BEST4: variants seen among roughly 807,000 people sequenced by gnomAD.
The protein encoded by BEST4 is bestrophin-4.
In BEST4, 36 loss-of-function variants were observed where a neutral mutation model predicts 47.1. That is an observed-to-expected ratio of 0.76 (90% CI 0.59 to 1.01). BEST4 has a LOEUF of 1.01. BEST4 is among the 50% of genes least tolerant of loss of function. BEST4 has a pLI of 0.00. For missense variants in BEST4, 550 were observed against 648.6 expected (o/e 0.85, Z 1.65); for synonymous variants, 250 against 277.8 (o/e 0.90, Z 1.00).
rs1428200161 is a variant in BEST4 at position 44,783,965 on chromosome 1, G to T, written c.*245C>A. 1.9e-5 allele frequency: 8 copies of T among 422,928 alleles called. No individual in the cohort carries two copies. In the East Asian group the frequency reaches 3.0e-4, roughly 16 times the overall value. 26.2% of individuals were successfully genotyped at this position (422,928 alleles called of 1,614,324 possible). ...ACCTGGGCTCTAGTCCTCTATGCCT[G>T]GGCTCATTTATTTTTCTAGCTTCAC... On this transcript the variant is annotated 3_prime_UTR_variant, in exon 9 of 9. Coordinates refer to ENST00000372207, the MANE Select transcript of BEST4 (RefSeq NM_153274.3).
rs1425064773 is a variant in BEST4 at position 44,784,926 on chromosome 1, C to G, written c.972G>C (p.Gln324His). The change falls in exon 7 of 9, where the codon CAG becomes CAC. Residue 324 changes from glutamine to histidine, a missense_variant. Physicochemically the swap from Gln to His is conservative, Grantham distance 24. Around this residue, in one of 3 missense-constraint regions of BEST4, gnomAD observed 255 missense variants for 286.6 expected, o/e 0.89. Coordinates refer to ENST00000372207, the MANE Select transcript of BEST4 (RefSeq NM_153274.3). This position sits in a 1 kb window ranked among gnomAD's most constrained non-coding sequence, Gnocchi z 6.2. ...GEDDDDFETN[Q>H]LIDRNLQVSL... ...TCACCTGCAAGTTGCGGTCTATGAG[C>G]TGATTTGTCTCAAAGTCGTCATCAT... 1 of 1,614,194 alleles carries G rather than the reference C, an allele frequency of 6.2e-7. No homozygotes were observed. The highest frequency in any genetic ancestry group is 8.5e-7 in the Non-Finnish European group (1 of 1,180,038).
In BEST4 at chr1:44,787,681, C is replaced by T; in HGVS notation, c.25G>A (p.Val9Met). 1 of 1,614,172 alleles carries T rather than the reference C, an allele frequency of 6.2e-7. No homozygotes were observed. Among genetic ancestry groups the T allele is most frequent in the Non-Finnish European group, 8.5e-7 (1 of 1,180,036 alleles). ...AAACCTCCGAAGCGGGCCTCCGCCA[C>T]TTTGAGAGTGTATGAAACCGTCATG... MTVSYTLK[V>M]AEARFGGFSG... Residue 9 changes from valine to methionine, a missense_variant, in exon 1 of 9, where the codon GTG (valine) becomes ATG (methionine). Physicochemically the swap from Val to Met is conservative, Grantham distance 21. Coordinates refer to ENST00000372207, the MANE Select transcript of BEST4 (RefSeq NM_153274.3).
At chr1:44,792,067 AC>A (rs968645448), upstream of BEST4, among the ~76,000 whole-genome samples, 74 of 152,092 alleles carry the variant, frequency 4.9e-4, no homozygotes, top group African/African-American at 1.7e-3. Context: ...ACATGGAGAA[AC>A]CCCATCTCTA....
upstream of BEST4, among the ~76,000 whole-genome samples, chr1:44,788,421 G>A (rs1263340147): frequency 6.6e-6 from 1 of 152,178 alleles, no homozygotes; most frequent in African/African-American, 2.4e-5. Flanking sequence ...ATTGTCCCAC[G>A]TTTCAGGTGG....
In BEST4 at chr1:44,786,326, G is replaced by A; in HGVS notation, c.482-98C>T. On this transcript the variant is annotated intron_variant, in intron 3 of 8. Coordinates refer to ENST00000372207, the MANE Select transcript of BEST4 (RefSeq NM_153274.3). This position sits in a 1 kb window ranked among gnomAD's most constrained non-coding sequence, Gnocchi z 4.9. The stretch of plus-strand genomic sequence containing the variant: ...CTCCCCTCCCTCGCGTCCACCGGCT[G>A]TCCCAGGACTCGCGGTTCCGCGTTC... The A allele has an allele frequency of 2.0e-6, 3 of 1,479,386 alleles. No homozygotes were observed. Among genetic ancestry groups the A allele is most frequent in the East Asian group, 2.3e-5 (1 of 43,806 alleles). 91.6% of individuals were successfully genotyped at this position (1,479,386 alleles called of 1,614,324 possible).
chr1:44,787,727 G>T lies in BEST4; in HGVS notation c.-22C>A. Reference sequence around the variant, plus strand: ...TCATGGTGCTGGGAGCCTGGGGCAGGAGGTCACAAGAGTTGCCCCCAGGGC... The same window carrying T: ...TCATGGTGCTGGGAGCCTGGGGCAGTAGGTCACAAGAGTTGCCCCCAGGGC... On this transcript the variant is annotated 5_prime_UTR_variant, in exon 1 of 9. Transcript: ENST00000372207. The T allele has an allele frequency of 1.2e-6, 2 of 1,613,386 alleles. No homozygotes were observed. The highest frequency in any genetic ancestry group is 2.2e-5 in the South Asian group (2 of 91,064).
chr1:44,784,374 C>T lies in BEST4; in HGVS notation c.1258G>A (p.Ala420Thr), dbSNP rs933431142. Residue 420 changes from alanine to threonine, a missense_variant, in exon 9 of 9, where the codon GCG becomes ACG. Physicochemically the swap from Ala to Thr is moderately conservative, Grantham distance 58. This residue lies in a region of BEST4 where 255 missense variants were observed against 286.6 expected (regional missense o/e 0.89). Transcript: ENST00000372207. The surrounding 1 kb of genome is among the most constrained non-coding windows in gnomAD (Gnocchi z 6.2). ...PLLGRFLGVG[A>T]PSPAISLRNF... is the part of the protein sequence containing the mutation. The stretch of plus-strand genomic sequence containing the variant: ...CGGAGGCTGATGGCCGGGGAGGGCG[C>T]CCCTACGCCCAGGAAGCGGCCGAGC... 4 of 1,398,406 alleles carry T rather than the reference C, an allele frequency of 2.9e-6. No individual in the cohort carries two copies. Among genetic ancestry groups the T allele is most frequent in the Admixed American group, 3.5e-5 (1 of 28,538 alleles). The allele number at this position is 1,398,406 out of a possible 1,614,324, so 86.6% of individuals were successfully genotyped here.
At chr1:44,792,079 C>T (rs1651426162), upstream of BEST4, among the ~76,000 whole-genome samples, 1 of 152,130 alleles carries the variant, frequency 6.6e-6, no homozygotes, top group Non-Finnish European at 1.5e-5. Flanking sequence ...CCCATCTCTA[C>T]TAAAAATACA....
At chr1:44,789,057 C>T (rs1651335831), upstream of BEST4, among the ~76,000 whole-genome samples, 1 of 151,846 alleles carries the variant, frequency 6.6e-6, no homozygotes, top group Non-Finnish European at 1.5e-5. Context: ...GAGTTCGAGA[C>T]TAGCCTGGCC....
rs373915193 is a variant in BEST4, at chr1:44,786,797, T to C, written c.248-101A>G. 2.1e-3 allele frequency: 1,838 copies of C among 887,036 alleles called. 52 individuals carry two copies. In the South Asian group the frequency reaches 0.029, roughly 14 times the overall value. 54.9% of individuals were successfully genotyped at this position (887,036 alleles called of 1,614,324 possible). A position where few individuals can be genotyped will look rare whatever the true frequency, so the allele number is the denominator to read the frequency against. ...AGCAAAGGGCCTGGTCCAGGCCAGT[T>C]GAATCGTGGCAGGGGGAAGGAAACA... On this transcript the variant is annotated intron_variant, in intron 2 of 8. Transcript: ENST00000372207. The surrounding 1 kb of genome is among the most constrained non-coding windows in gnomAD (Gnocchi z 4.9).
At position 44,784,864 on chromosome 1, in the gene BEST4, C is replaced by T; in HGVS notation, c.993+41G>A. ...CTGAGAGCTGACCGGGAGAGGGGGC[C>T]CAGGAGCTGCCCTGGACTCCTGATC... On this transcript the variant is annotated intron_variant, in intron 7 of 8. Coordinates refer to ENST00000372207, the MANE Select transcript of BEST4 (RefSeq NM_153274.3). The surrounding 1 kb of genome is among the most constrained non-coding windows in gnomAD (Gnocchi z 6.2). 1 of 1,612,340 alleles carries T rather than the reference C, an allele frequency of 6.2e-7. No homozygotes were observed. The highest frequency in any genetic ancestry group is 1.1e-5 in the South Asian group (1 of 90,930).
upstream of BEST4, among the ~76,000 whole-genome samples, chr1:44,790,016 C>T (rs937394438): frequency 4.6e-5 from 7 of 152,216 alleles, no homozygotes; most frequent in African/African-American, 1.7e-4. Context: ...ACCTCAGTTT[C>T]CTCCTCTGCA....
chr1:44,784,786 G>A lies in BEST4; in HGVS notation c.994-3C>T, dbSNP rs917816812. 7.5e-6 allele frequency: 12 copies of A among 1,591,984 alleles called. No homozygotes were observed. The highest frequency in any genetic ancestry group is 2.7e-5 in the African/African-American group (2 of 74,540). On this transcript the variant is annotated splice_polypyrimidine_tract_variant and splice_region_variant and intron_variant, in intron 7 of 8. Transcript: ENST00000372207. This position sits in a 1 kb window ranked among gnomAD's most constrained non-coding sequence, Gnocchi z 6.2. ...TCGTCCACGGATAGCAGGGACACCT[G>A]GGCCACCAGCAAGTTACAAGGATCC...
chr1:44,785,570 C>A, intron 5 of BEST4, 29 bp downstream of exon 5: 1 of 1,526,810 alleles, frequency 6.5e-7, no homozygotes, highest in Non-Finnish European at 8.9e-7. Flanking sequence ...ACAGTAGGCA[C>A]TGGGACTCGG....
chr1:44,782,618 A>G (rs1199476954), downstream of BEST4, among the ~76,000 whole-genome samples: 1 of 150,076 alleles, frequency 6.7e-6, no homozygotes. Context: ...TGACAGTGCA[A>G]GATTCCGTCT....
upstream of BEST4, among the ~76,000 whole-genome samples, chr1:44,789,757 A>C (rs1436577939): frequency 6.6e-6 from 1 of 152,192 alleles, no homozygotes; most frequent in Non-Finnish European, 1.5e-5. Flanking sequence ...AAAGTGGAAG[A>C]GAATTGGCAG....
At chr1:44,789,565 G>A (rs1288632316), upstream of BEST4, among the ~76,000 whole-genome samples, 2 of 152,022 alleles carry the variant, frequency 1.3e-5, no homozygotes, top group Non-Finnish European at 2.9e-5. Context: ...GAGCATGGTG[G>A]CACATGCCTG....
chr1:44,790,754 T>G (rs2148850270), upstream of BEST4, among the ~76,000 whole-genome samples: 1 of 151,954 alleles, frequency 6.6e-6, no homozygotes, highest in Admixed American at 6.6e-5. Context: ...TACAAAAAAT[T>G]TTTTTAAATT....
In BEST4 at chr1:44,784,963, G is replaced by T; in HGVS notation, c.935C>A (p.Pro312Gln). ...WLKVAEQIIN[P>Q]FGEDDDDFET... is the part of the protein sequence containing the mutation. Reference sequence around the variant, plus strand: ...AAAGTCGTCATCATCCTCACCAAATGGGTTGATGATCTGTTCAGCCACCTA... The same window carrying T: ...AAAGTCGTCATCATCCTCACCAAATTGGTTGATGATCTGTTCAGCCACCTA... The change falls in exon 7 of 9, where the codon CCA becomes CAA. Residue 312 changes from proline (P) to glutamine (Q), a missense_variant. Pro to Gln is a moderately conservative substitution (Grantham distance 76). Around this residue, in one of 3 missense-constraint regions of BEST4, gnomAD observed 255 missense variants for 286.6 expected, o/e 0.89. Transcript: ENST00000372207. The surrounding 1 kb of genome is among the most constrained non-coding windows in gnomAD (Gnocchi z 6.2). 1 of 1,614,096 alleles carries T rather than the reference G, an allele frequency of 6.2e-7. No homozygotes were observed. The highest frequency in any genetic ancestry group is 2.2e-5 in the East Asian group (1 of 44,876).
Sources: gnomAD v4.1 joint callset for allele counts (sites outside exome capture counted in the v4.1 genomes callset) on GRCh38, gnomAD v4.1.1 for gene constraint, gnomAD v4.1.1 regional missense constraint, Gnocchi (gnomAD v3.1) non-coding constraint, MANE v1.5 for transcripts, NCBI Gene and HGNC (gene_info 2026-07-23, HGNC 2026-07-21) for gene names.